TRIM33: variants seen among roughly 807,000 people sequenced by gnomAD.
TRIM33 encodes the protein tripartite motif containing 33, also known as E3 ubiquitin-protein ligase TRIM33.
TRIM33 carries 20 observed loss-of-function variants against 125.4 expected under a neutral mutation model. The ratio of observed to expected loss-of-function variants is 0.16; its 90% CI spans 0.11 to 0.23. The LOEUF (loss-of-function observed/expected upper bound fraction) is 0.23, where lower values mean the gene tolerates loss of function less well. Ranked by LOEUF, TRIM33 falls within the 10% of genes least tolerant of loss-of-function variation. The pLI is 1.00. For synonymous variants in TRIM33, 564 were observed against 513.9 expected, an observed-to-expected ratio of 1.10 and a Z score of -1.32; for missense variants, 920 against 1,411.4, an observed-to-expected ratio of 0.65 and a Z score of 5.58.
In TRIM33 at chr1:114,487,181, T is replaced by C. The variant is rs115838968; in HGVS notation, c.527-22793A>G. On this transcript the variant is annotated intron_variant, in intron 1 of 19. Transcript: ENST00000358465. The stretch of plus-strand genomic sequence containing the variant: ...CCTACATATAAAAAAACTGAGTTAA[T>C]GCCAAATAAGAAAAACCCAAATAAA... Among the ~76,000 whole-genome samples, 974 of 150,872 alleles carry C rather than the reference T, an allele frequency of 6.5e-3. 4 individuals are homozygous for C. Among genetic ancestry groups the C allele is most frequent in the Middle Eastern group, 0.01 (3 of 294 alleles).
chr1:114,426,087 C>A (rs2101161723), intron 8 of TRIM33, among the ~76,000 whole-genome samples: 1 of 152,316 alleles, frequency 6.6e-6, no homozygotes, highest in East Asian at 1.9e-4. Context: ...ATTGCCAATA[C>A]TGATTCCATC....
At chr1:114,462,289 T>C (rs1650048636) in intron 4 of TRIM33, among the ~76,000 whole-genome samples, 1 of 152,206 alleles carries the variant, frequency 6.6e-6, no homozygotes, top group Non-Finnish European at 1.5e-5. Context: ...AAGGCTCTAA[T>C]AAACTTCAAT....
intron 4 of TRIM33, among the ~76,000 whole-genome samples, chr1:114,445,076 A>G (rs1648892449): frequency 6.6e-6 from 1 of 152,230 alleles, no homozygotes; most frequent in African/African-American, 2.4e-5. Context: ...GAGATGTCTG[A>G]AGAAAGGGTA....
intron 4 of TRIM33, among the ~76,000 whole-genome samples, chr1:114,442,110 G>A (rs1648688803): frequency 6.6e-6 from 1 of 152,052 alleles, no homozygotes; most frequent in Non-Finnish European, 1.5e-5. Context: ...TTTCATTATT[G>A]TATAGCTATC....
At chr1:114,445,123 TG>T (rs1323677197) in intron 4 of TRIM33, among the ~76,000 whole-genome samples, 1 of 152,114 alleles carries the variant, frequency 6.6e-6, no homozygotes, top group Non-Finnish European at 1.5e-5. Flanking sequence ...AAGTATCCAG[TG>T]TGAAGAAGAG....
Position 114,397,611 on chromosome 1 carries a change from T to G in TRIM33, c.*37A>C, listed in dbSNP as rs778219170. 9 of 1,251,778 alleles carry G rather than the reference T, an allele frequency of 7.2e-6. No individual in the cohort carries two copies. The highest frequency in any genetic ancestry group is 6.8e-5 in the Admixed American group (3 of 44,298). The allele number at this position is 1,251,778 out of a possible 1,614,324, so 77.5% of individuals were successfully genotyped here. On this transcript the variant is annotated 3_prime_UTR_variant, in exon 20 of 20. Coordinates refer to ENST00000358465, the MANE Select transcript of TRIM33 (RefSeq NM_015906.4). ...TGTGTTTTTTTTTTTTTTTTCGTTTTTTTTTTTTTAAACAATTGATTTAAA... is the reference window on the plus strand; with the variant it reads ...TGTGTTTTTTTTTTTTTTTTCGTTTGTTTTTTTTTAAACAATTGATTTAAA...
intron 6 of TRIM33, among the ~76,000 whole-genome samples, chr1:114,430,384 A>G (rs1333060947): frequency 6.6e-6 from 1 of 152,028 alleles, no homozygotes; most frequent in Non-Finnish European, 1.5e-5. Context: ...AGCTGTGACT[A>G]CTGGTGCATG....
chr1:114,505,244 T>G (rs777581280), intron 1 of TRIM33, among the ~76,000 whole-genome samples: 3 of 152,212 alleles, frequency 2.0e-5, no homozygotes, highest in Non-Finnish European at 4.4e-5. Flanking sequence ...CGTTAATGAC[T>G]GGTTGTTGGT....
At chr1:114,495,533 G>A (rs77195557) in intron 1 of TRIM33, among the ~76,000 whole-genome samples, 61 of 151,984 alleles carry the variant, frequency 4.0e-4, no homozygotes, top group Admixed American at 3.7e-3. Context: ...TATCTTTAAC[G>A]TAAGATAAAA....
chr1:114,463,615 A>G, intron 2 of TRIM33, 59 bp from the exon 3 acceptor site: 1 of 1,097,196 alleles, frequency 9.1e-7, no homozygotes, highest in Admixed American at 2.4e-5. Flanking sequence ...ATCTAAAAAA[A>G]AAAAAAAACT....
Position 114,395,919 on chromosome 1 carries a change from T to G in TRIM33, c.*1729A>C. The G allele has an allele frequency of 5.2e-6, 1 of 193,354 alleles. No individual in the cohort carries two copies. The highest frequency in any genetic ancestry group is 8.1e-5 in the East Asian group (1 of 12,298). 12.0% of individuals were successfully genotyped at this position (193,354 alleles called of 1,614,324 possible). Reference sequence around the variant, plus strand: ...GAAAAACAACCCAAAGGAATTTGTATAATAATTTCTTTAGAGCACTTTATT... The same window carrying G: ...GAAAAACAACCCAAAGGAATTTGTAGAATAATTTCTTTAGAGCACTTTATT... On this transcript the variant is annotated 3_prime_UTR_variant, in exon 20 of 20. Coordinates refer to ENST00000358465, the MANE Select transcript of TRIM33 (RefSeq NM_015906.4).
At chr1:114,493,320 C>G (rs953539442) in intron 1 of TRIM33, among the ~76,000 whole-genome samples, 19 of 152,202 alleles carry the variant, frequency 1.2e-4, no homozygotes, top group African/African-American at 4.6e-4. Flanking sequence ...CAAATACTTT[C>G]TCCCATTCTG....
At chr1:114,455,693 T>C (rs899999537) in intron 4 of TRIM33, among the ~76,000 whole-genome samples, 2 of 152,308 alleles carry the variant, frequency 1.3e-5, no homozygotes, top group Admixed American at 6.5e-5. Context: ...AGCATTACCA[T>C]GGGACTGGAT....
In TRIM33 at chr1:114,396,819, A is replaced by G. The variant is rs1237358065; in HGVS notation, c.*829T>C. On this transcript the variant is annotated 3_prime_UTR_variant, in exon 20 of 20. Coordinates refer to ENST00000358465, the MANE Select transcript of TRIM33 (RefSeq NM_015906.4). ...CTTCTCAAATTTAAATGTACAGAAA[A>G]CTAGATTAATTTTGAAACAAACATT... is the stretch of plus-strand genomic sequence containing the variant. 1 of 209,706 alleles carries G rather than the reference A, an allele frequency of 4.8e-6. No individual in the cohort carries two copies. The highest frequency in any genetic ancestry group is 9.7e-6 in the Non-Finnish European group (1 of 103,138). The allele number at this position is 209,706 out of a possible 1,614,324, so 13.0% of individuals were successfully genotyped here.
At chr1:114,463,318 C>G in intron 3 of TRIM33, 82 bp from the exon 4 acceptor site, 1 of 1,551,406 alleles carries the variant, frequency 6.4e-7, no homozygotes, top group South Asian at 1.2e-5. Context: ...ATGTTGCTAT[C>G]CAAAGTTTAT....
chr1:114,474,349 C>G (rs1346295809), intron 1 of TRIM33, among the ~76,000 whole-genome samples: 2 of 150,962 alleles, frequency 1.3e-5, no homozygotes, highest in East Asian at 3.9e-4. Flanking sequence ...GGGAGGATCA[C>G]TTGAGGCCAG....
At chr1:114,505,454 T>C (rs1652941713) in intron 1 of TRIM33, among the ~76,000 whole-genome samples, 1 of 152,204 alleles carries the variant, frequency 6.6e-6, no homozygotes, top group Admixed American at 6.5e-5. Context: ...TGGTCTGTGA[T>C]AAACAGACAG....
chr1:114,403,853 G>GT (rs1257836002), intron 15 of TRIM33, among the ~76,000 whole-genome samples: 9 of 151,782 alleles, frequency 5.9e-5, no homozygotes, highest in African/African-American at 1.5e-4. Context: ...TAGAGATTGG[G>GT]TTTTTTCACC....
At chr1:114,510,503 T>G in intron 1 of TRIM33, 48 bp downstream of exon 1, 7 of 1,436,178 alleles carry the variant, frequency 4.9e-6, no homozygotes, top group Non-Finnish European at 4.6e-6. Flanking sequence ...CCTCTAGGGT[T>G]GCGCAAATCC....
Sources: allele counts gnomAD v4.1 joint callset (sites outside exome capture counted in the v4.1 genomes callset), GRCh38; gene constraint gnomAD v4.1.1; transcripts MANE v1.5; gene names NCBI Gene and HGNC (gene_info 2026-07-23, HGNC 2026-07-21).